The following JARID2 variants were observed in gnomAD, a reference collection of about 807,000 sequenced individuals.
JARID2 encodes the protein jumonji and AT-rich interaction domain containing 2, also known as protein Jumonji.
In JARID2, 21 loss-of-function variants were observed where a neutral mutation model predicts 125.6. That is an observed-to-expected ratio of 0.17 (90% CI 0.12 to 0.24). JARID2 has a LOEUF of 0.24. Ranked by LOEUF, JARID2 falls within the 10% of genes least tolerant of loss-of-function variation. The probability of loss-of-function intolerance (pLI) is 1.00; values close to 1 mark genes in which losing one functional copy is unlikely to be tolerated. For synonymous variants in JARID2, 736 were observed against 661.6 expected, an observed-to-expected ratio of 1.11 and a Z score of -1.73; for missense variants, 1,303 against 1,639.6, an observed-to-expected ratio of 0.79 and a Z score of 3.55.
intron 1 of JARID2, among the ~76,000 whole-genome samples, chr6:15,348,242 C>G (rs942926782): frequency 6.6e-6 from 1 of 151,994 alleles, no homozygotes; most frequent in Non-Finnish European, 1.5e-5. Flanking sequence ...CAGCCGCCCG[C>G]CACCACACCC....
At chr6:15,273,567 G>A (rs1199683957) in intron 1 of JARID2, among the ~76,000 whole-genome samples, 2 of 152,210 alleles carry the variant, frequency 1.3e-5, no homozygotes, top group African/African-American at 2.4e-5. Flanking sequence ...TGGGCATGGT[G>A]GCGCATGCCT....
At chr6:15,446,384 C>G (rs1256597258) in intron 3 of JARID2, among the ~76,000 whole-genome samples, 1 of 152,164 alleles carries the variant, frequency 6.6e-6, no homozygotes, top group Non-Finnish European at 1.5e-5. Context: ...CACCTCTCTC[C>G]GAGGAGGTGA....
chr6:15,433,924 GTGTGTGTGTGTGTGT>G (rs1767085288), intron 3 of JARID2, among the ~76,000 whole-genome samples: 6 of 25,360 alleles, frequency 2.4e-4, no homozygotes, highest in African/African-American at 8.1e-4. Context: ...TCTCCAGGGT[GTGTGTGTGTGTGTGT>G]GTGTGTGTGT....
intron 3 of JARID2, among the ~76,000 whole-genome samples, chr6:15,421,991 A>G (rs573173294): frequency 1.3e-5 from 2 of 152,328 alleles, no homozygotes; most frequent in African/African-American, 2.4e-5. Flanking sequence ...TCTGAAGTAC[A>G]TGAAATGCCT....
Position 15,496,768 on chromosome 6 carries a change from G to T in JARID2, c.1543G>T (p.Gly515Cys), listed in dbSNP as rs567509795. 1 of 1,613,298 alleles carries T rather than the reference G, an allele frequency of 6.2e-7. No homozygotes were observed. Among genetic ancestry groups the T allele is most frequent in the South Asian group, 1.1e-5 (1 of 91,028 alleles). Residue 515 changes from glycine to cysteine, a missense_variant, in exon 7 of 18, where the codon GGC (glycine) becomes TGC (cysteine). By Grantham distance (159) the Gly-to-Cys change is radical (BLOSUM62 -3). This residue lies in a region of JARID2 where 651 missense variants were observed against 581.6 expected (regional missense o/e 1.12). Coordinates refer to ENST00000341776, the MANE Select transcript of JARID2 (RefSeq NM_004973.4). The part of the protein sequence containing the change: ...GKSTPGRQAH[G>C]KADSASCENR... ...GAGCACGCCAGGCAGACAAGCACAT[G>T]GCAAGGCGGACAGCGCCTCCTGTGA...
chr6:15,428,497 A>G (rs1460506717), intron 3 of JARID2, among the ~76,000 whole-genome samples: 6 of 151,888 alleles, frequency 4.0e-5, no homozygotes, highest in Non-Finnish European at 7.4e-5. Context: ...TTCAATTCCC[A>G]CTTATGAGTG....
chr6:15,357,791 T>C (rs1213423239), intron 1 of JARID2, among the ~76,000 whole-genome samples: 1 of 152,206 alleles, frequency 6.6e-6, no homozygotes, highest in Admixed American at 6.5e-5. Context: ...GTTGTGTCTT[T>C]TAGGACGACA....
intron 1 of JARID2, among the ~76,000 whole-genome samples, chr6:15,320,294 G>C (rs1251146140): frequency 1.3e-5 from 2 of 152,148 alleles, no homozygotes; most frequent in South Asian, 4.1e-4. Context: ...GTTATAAGCC[G>C]GTAATTCAAG....
At chr6:15,271,876 TGTAATCCCA>T (rs1274104209) in intron 1 of JARID2, among the ~76,000 whole-genome samples, 1 of 152,192 alleles carries the variant, frequency 6.6e-6, no homozygotes, top group Non-Finnish European at 1.5e-5. Flanking sequence ...GGTGTGTGCC[TGTAATCCCA>T]GCTACTCGGG....
intron 6 of JARID2, among the ~76,000 whole-genome samples, chr6:15,488,932 C>G (rs1770012990): frequency 6.6e-6 from 1 of 152,118 alleles, no homozygotes; most frequent in African/African-American, 2.4e-5. Context: ...CCATTGGGCC[C>G]CGGATTGTCA....
intron 3 of JARID2, among the ~76,000 whole-genome samples, chr6:15,446,510 A>T (rs1767677137): frequency 6.6e-6 from 1 of 152,210 alleles, no homozygotes; most frequent in Admixed American, 6.5e-5. Flanking sequence ...ATGGCAAGAG[A>T]AAGAGTATTC....
intron 5 of JARID2, among the ~76,000 whole-genome samples, chr6:15,478,555 G>C (rs1324285500): frequency 2.0e-5 from 3 of 151,850 alleles, no homozygotes; most frequent in Non-Finnish European, 4.4e-5. Flanking sequence ...TTTCTCTCTC[G>C]GTGTGTAGTA....
intron 16 of JARID2, among the ~76,000 whole-genome samples, chr6:15,515,487 T>TACAA: frequency 6.6e-6 from 1 of 152,140 alleles, no homozygotes; most frequent in Admixed American, 6.5e-5. Context: ...AGCCTGAAAG[T>TACAA]TATTTTAAGA....
At chr6:15,517,957 A>C (rs968355447) in intron 17 of JARID2, among the ~76,000 whole-genome samples, 1 of 152,190 alleles carries the variant, frequency 6.6e-6, no homozygotes, top group Non-Finnish European at 1.5e-5. Flanking sequence ...TGCTGCGGGT[A>C]TGACTGTGAG....
chr6:15,308,649 G>A (rs1328692784), intron 1 of JARID2, among the ~76,000 whole-genome samples: 2 of 152,108 alleles, frequency 1.3e-5, no homozygotes, highest in African/African-American at 4.8e-5. Context: ...AGCCTCATCT[G>A]CTCTTATTAT....
intron 2 of JARID2, among the ~76,000 whole-genome samples, chr6:15,377,553 C>T (rs1423780140): frequency 6.6e-6 from 1 of 152,156 alleles, no homozygotes; most frequent in African/African-American, 2.4e-5. Flanking sequence ...GCAACCCCCA[C>T]CTCCCGGGTT....
At chr6:15,456,040 C>T (rs1256898335) in intron 4 of JARID2, among the ~76,000 whole-genome samples, 4 of 152,128 alleles carry the variant, frequency 2.6e-5, no homozygotes, top group East Asian at 1.9e-4. Flanking sequence ...TTTACTATGG[C>T]GCAATTGTGA....
intron 1 of JARID2, among the ~76,000 whole-genome samples, chr6:15,339,033 A>T (rs772102528): frequency 3.9e-5 from 6 of 152,196 alleles, no homozygotes; most frequent in Non-Finnish European, 7.4e-5. Flanking sequence ...GCTTTACGTC[A>T]CATACAGCAT....
chr6:15,469,336 C>CCT (rs1768926874), intron 5 of JARID2, among the ~76,000 whole-genome samples: 1 of 31,378 alleles, frequency 3.2e-5, no homozygotes, highest in African/African-American at 1.5e-4. Context: ...CTCTCTCTCT[C>CCT]CTGTCTCTCT....
Sources: allele counts gnomAD v4.1 joint callset (sites outside exome capture counted in the v4.1 genomes callset), GRCh38; gene constraint gnomAD v4.1.1; regional missense constraint gnomAD v4.1.1; transcripts MANE v1.5; gene names NCBI Gene and HGNC (gene_info 2026-07-23, HGNC 2026-07-21).